The following BRIP1 variants were observed in gnomAD, a reference collection of about 807,000 sequenced individuals.
The protein encoded by BRIP1 is BRCA1 interacting DNA helicase 1, also known as Fanconi anemia group J protein.
Under a neutral mutation model 119.7 loss-of-function variants are expected in BRIP1, and 88 were observed. The observed-to-expected ratio is 0.74, with a 90% confidence interval of 0.62 to 0.88. The LOEUF (loss-of-function observed/expected upper bound fraction) is 0.88, where lower values mean the gene tolerates loss of function less well. Among genes scored for constraint, BRIP1 ranks in the 40% least tolerant of loss-of-function variants. BRIP1 has a pLI of 0.00. For missense variants in BRIP1, 1,259 were observed against 1,455.4 expected, an observed-to-expected ratio of 0.87 and a Z score of 2.20; for synonymous variants, 443 against 496.5, an observed-to-expected ratio of 0.89 and a Z score of 1.43.
rs1474435676 is a variant in BRIP1, at chr17:61,713,491, G to T, written c.2492+2460C>A. Among the ~76,000 whole-genome samples the T allele has an allele frequency of 6.6e-6, 1 of 151,940 alleles. No individual in the cohort carries two copies. The highest frequency in any genetic ancestry group is 1.5e-5 in the Non-Finnish European group (1 of 67,994). ...ATATTAATGCTCCTGATCCTGTGTA[G>T]GCCTAGGATACTACATGAGTGTTTA... On this transcript the variant is annotated intron_variant, in intron 17 of 19. Transcript: ENST00000259008. The surrounding 1 kb of genome is among the most constrained non-coding windows in gnomAD (Gnocchi z 4.9).
rs1429076479 is a variant in BRIP1, at chr17:61,784,159, G to A, written c.1628+111C>T. 8.6e-6 allele frequency: 8 copies of A among 934,204 alleles called. No individual in the cohort carries two copies. In the African/African-American group the frequency reaches 1.2e-4, roughly 14 times the overall value. 57.9% of individuals were successfully genotyped at this position (934,204 alleles called of 1,614,324 possible). ...ATATATAATAATATCTATAACACTT[G>A]TTTTCAATTCTCCTATTTACTCACC... On this transcript the variant is annotated intron_variant, in intron 11 of 19. Transcript: ENST00000259008.
chr17:61,818,773 G>T (rs1025298047), intron 6 of BRIP1, among the ~76,000 whole-genome samples: 3 of 152,058 alleles, frequency 2.0e-5, no homozygotes, highest in African/African-American at 7.2e-5. Flanking sequence ...AATTTGAATA[G>T]ACATTTCTCA....
chr17:61,781,157 T>A, intron 11 of BRIP1, 152 bp from the exon 12 acceptor site: 1 of 695,072 alleles, frequency 1.4e-6, no homozygotes, highest in Non-Finnish European at 2.4e-6. Context: ...ATTAATTAAA[T>A]TCAGTAATTC....
rs2061584313 is a variant in BRIP1, at chr17:61,699,756, C to G, written c.2493-6244G>C. On this transcript the variant is annotated intron_variant, in intron 17 of 19. Coordinates refer to ENST00000259008, the MANE Select transcript of BRIP1 (RefSeq NM_032043.3). The surrounding 1 kb of genome is among the most constrained non-coding windows in gnomAD (Gnocchi z 4.8). ...GACTGATAAGAGTGTCTCACTGTGCCTGAACTGTTTGAGTAAACAATATAT... is the reference window on the plus strand; with the variant it reads ...GACTGATAAGAGTGTCTCACTGTGCGTGAACTGTTTGAGTAAACAATATAT... Among the ~76,000 whole-genome samples, 1 of 152,132 alleles carries G rather than the reference C, an allele frequency of 6.6e-6. No homozygotes were observed. Among genetic ancestry groups the G allele is most frequent in the Admixed American group, 6.6e-5 (1 of 15,260 alleles).
intron 16 of BRIP1, among the ~76,000 whole-genome samples, chr17:61,731,462 T>C (rs984882832): frequency 4.6e-5 from 7 of 152,308 alleles, no homozygotes; most frequent in Non-Finnish European, 1.0e-4. Flanking sequence ...GAAAATGGCA[T>C]ACAGAGTCCT....
At chr17:61,854,083 C>T (rs186290338) in intron 4 of BRIP1, among the ~76,000 whole-genome samples, 3 of 152,102 alleles carry the variant, frequency 2.0e-5, no homozygotes, top group Admixed American at 1.3e-4. Context: ...CAAGACAAGC[C>T]TGGGGAACAC....
intron 16 of BRIP1, 85 bp from the exon 17 acceptor site, chr17:61,716,148 A>G: frequency 1.2e-6 from 1 of 845,502 alleles, no homozygotes; most frequent in South Asian, 2.0e-5. Flanking sequence ...CAGTTTGAAT[A>G]TACATATTTT....
In BRIP1 at chr17:61,758,028, TAAG is replaced by T. The variant is rs1344746837; in HGVS notation, c.2098-13440_2098-13438del. On this transcript the variant is annotated intron_variant, in intron 14 of 19. Coordinates refer to ENST00000259008, the MANE Select transcript of BRIP1 (RefSeq NM_032043.3). This position sits in a 1 kb window ranked among gnomAD's most constrained non-coding sequence, Gnocchi z 5.3. ...AAAGAGAAAAAAGAAAAGAAAACAA[TAAG>T]AACTCAATACTATGTTATGTATGGA... Among the ~76,000 whole-genome samples the T allele has an allele frequency of 6.6e-6, 1 of 151,572 alleles. No homozygotes were observed. Among genetic ancestry groups the T allele is most frequent in the Non-Finnish European group, 1.5e-5 (1 of 67,848 alleles).
chr17:61,846,988 A>T lies in BRIP1; in HGVS notation c.627+113T>A. 1.5e-6 allele frequency: 2 copies of T among 1,302,592 alleles called. No individual in the cohort carries two copies. Among genetic ancestry groups the T allele is most frequent in the South Asian group, 2.5e-5 (2 of 80,720 alleles). 80.7% of individuals were successfully genotyped at this position (1,302,592 alleles called of 1,614,324 possible). ...GATGTGACAGCATTGAGGACTTCTG[A>T]GTGGGTTGCTACTGTCCTTTGTATT... On this transcript the variant is annotated intron_variant, in intron 6 of 19. Coordinates refer to ENST00000259008, the MANE Select transcript of BRIP1 (RefSeq NM_032043.3). The surrounding 1 kb of genome is among the most constrained non-coding windows in gnomAD (Gnocchi z 4.3).
At position 61,704,829 on chromosome 17, in the gene BRIP1, T is replaced by G. The variant is rs1473608399; in HGVS notation, c.2492+11122A>C. ...AGTTATACTATTAATACCTCTTTTA[T>G]TCCTGATATTAGTAACTGTGGCTTC... On this transcript the variant is annotated intron_variant, in intron 17 of 19. Coordinates refer to ENST00000259008, the MANE Select transcript of BRIP1 (RefSeq NM_032043.3). The surrounding 1 kb of genome is among the most constrained non-coding windows in gnomAD (Gnocchi z 5.7). Among the ~76,000 whole-genome samples the G allele has an allele frequency of 2.0e-5, 3 of 152,184 alleles. No individual in the cohort carries two copies. The highest frequency in any genetic ancestry group is 7.2e-5 in the African/African-American group (3 of 41,460).
chr17:61,736,842 A>G lies in BRIP1; in HGVS notation c.2379+6171T>C, dbSNP rs1437903434. Among the ~76,000 whole-genome samples the G allele has an allele frequency of 1.3e-5, 2 of 152,218 alleles. No homozygotes were observed. The highest frequency in any genetic ancestry group is 2.9e-5 in the Non-Finnish European group (2 of 68,034). ...AAACACTAAATATGTGCTTTAGGAA[A>G]TAATAAAGGACACTGGTAAAGGTAA... is the stretch of plus-strand genomic sequence containing the variant. On this transcript the variant is annotated intron_variant, in intron 16 of 19. Coordinates refer to ENST00000259008, the MANE Select transcript of BRIP1 (RefSeq NM_032043.3). The surrounding 1 kb of genome is among the most constrained non-coding windows in gnomAD (Gnocchi z 4.4).
chr17:61,750,707 T>G (rs977274115), intron 14 of BRIP1, among the ~76,000 whole-genome samples: 3 of 54,050 alleles, frequency 5.6e-5, no homozygotes, highest in African/African-American at 3.7e-4. Flanking sequence ...TCTTGAATGA[T>G]TAAAAAAAAA....
At position 61,803,880 on chromosome 17, in the gene BRIP1, T is replaced by A. The variant is rs117097198; in HGVS notation, c.919-2406A>T. On this transcript the variant is annotated intron_variant, in intron 7 of 19. Transcript: ENST00000259008. This position sits in a 1 kb window ranked among gnomAD's most constrained non-coding sequence, Gnocchi z 4.3. ...GCCAAAAAATTGAAAATTAACCAAA[T>A]GTCTACCCATAAGGGACATGTTAAA... Among the ~76,000 whole-genome samples, 1,080 of 152,210 alleles carry A rather than the reference T, an allele frequency of 7.1e-3. 4 individuals carry two copies. The highest frequency in any genetic ancestry group is 0.021 in the Middle Eastern group (6 of 292).
At chr17:61,727,616 A>G (rs1451257419) in intron 16 of BRIP1, among the ~76,000 whole-genome samples, 2 of 151,982 alleles carry the variant, frequency 1.3e-5, no homozygotes, top group Non-Finnish European at 2.9e-5. Flanking sequence ...AATAAAAATT[A>G]GCTGGGCATG....
rs1199253557 is a variant in BRIP1, at chr17:61,720,880, A to G, written c.2380-4817T>C. ...TTTTTTTGAGACAGAGTCTCGCTCC[A>G]TTGCCCAGGCTGGAGTGCAGTGACA... On this transcript the variant is annotated intron_variant, in intron 16 of 19. Transcript: ENST00000259008. This position sits in a 1 kb window ranked among gnomAD's most constrained non-coding sequence, Gnocchi z 4.3. Among the ~76,000 whole-genome samples, 1 of 151,996 alleles carries G rather than the reference A, an allele frequency of 6.6e-6. No individual in the cohort carries two copies. Among genetic ancestry groups the G allele is most frequent in the South Asian group, 2.1e-4 (1 of 4,816 alleles).
At chr17:61,811,122 TTTTG>T (rs998398311) in intron 6 of BRIP1, among the ~76,000 whole-genome samples, 7 of 152,204 alleles carry the variant, frequency 4.6e-5, no homozygotes, top group East Asian at 1.9e-4. Flanking sequence ...TATTAAATGT[TTTTG>T]TTTGTTTTTT....
Position 61,700,928 on chromosome 17 carries a change from T to C in BRIP1, c.2493-7416A>G, listed in dbSNP as rs576991364. On this transcript the variant is annotated intron_variant, in intron 17 of 19. Transcript: ENST00000259008. The surrounding 1 kb of genome is among the most constrained non-coding windows in gnomAD (Gnocchi z 4.1). ...TTCTTCTGCCTTCTTAAATCTGCTG[T>C]TGGGCCCCTGTAATGAATATTTCAT... Among the ~76,000 whole-genome samples, 1 of 152,284 alleles carries C rather than the reference T, an allele frequency of 6.6e-6. No individual in the cohort carries two copies.
rs749978235 is a variant in BRIP1, at chr17:61,684,056, G to A, written c.2990C>T (p.Thr997Ile). The A allele has an allele frequency of 6.2e-7, 1 of 1,613,564 alleles. No homozygotes were observed. The highest frequency in any genetic ancestry group is 1.7e-5 in the Admixed American group (1 of 59,942). The change falls in exon 20 of 20, where the codon ACA (threonine) becomes ATA (isoleucine). Residue 997 changes from threonine to isoleucine, a missense_variant. Coordinates refer to ENST00000259008, the MANE Select transcript of BRIP1 (RefSeq NM_032043.3). This position sits in a 1 kb window ranked among gnomAD's most constrained non-coding sequence, Gnocchi z 4.5. ...AAAGCTTGACCAGCTAACTCTCTTT[G>A]TTTGTTTGTTGAAAGTTGGGCTTGT... ...RSTSPTFNKQ[T>I]KRVSWSSFNS... is the part of the protein sequence containing the mutation.
In BRIP1 at chr17:61,804,716, CAT is replaced by C. The variant is rs546410167; in HGVS notation, c.919-3244_919-3243del. ...TTTTACAAATACATAATAATTTCCC[CAT>C]ATATATATATTCAAAATATTTTTGT... On this transcript the variant is annotated intron_variant, in intron 7 of 19. Coordinates refer to ENST00000259008, the MANE Select transcript of BRIP1 (RefSeq NM_032043.3). This position sits in a 1 kb window ranked among gnomAD's most constrained non-coding sequence, Gnocchi z 4.5. Among the ~76,000 whole-genome samples the C allele has an allele frequency of 1.3e-5, 2 of 151,094 alleles. No homozygotes were observed. The highest frequency in any genetic ancestry group is 1.3e-4 in the Admixed American group (2 of 15,156).
Sources: gnomAD v4.1 joint callset for allele counts (sites outside exome capture counted in the v4.1 genomes callset) on GRCh38, gnomAD v4.1.1 for gene constraint, Gnocchi (gnomAD v3.1) non-coding constraint, MANE v1.5 for transcripts, NCBI Gene and HGNC (gene_info 2026-07-23, HGNC 2026-07-21) for gene names.